Variants in ATP9B observed in about 807,000 individuals in gnomAD.
ATP9B encodes the protein ATPase phospholipid transporting 9B, also known as probable phospholipid-transporting ATPase IIB.
In ATP9B, 110 loss-of-function variants were observed where a neutral mutation model predicts 146.1. The ratio of observed to expected loss-of-function variants is 0.75; its 90% CI spans 0.65 to 0.88. The LOEUF (loss-of-function observed/expected upper bound fraction) is 0.88, where lower values mean the gene tolerates loss of function less well. ATP9B is among the 40% of genes least tolerant of loss of function. The pLI is 0.00. For missense variants in ATP9B, 1,499 were observed against 1,496.4 expected (o/e 1.00, Z -0.03); for synonymous variants, 604 against 569.7 (o/e 1.06, Z -0.86).
intron 5 of ATP9B, among the ~76,000 whole-genome samples, chr18:79,138,316 A>G (rs941464975): frequency 5.9e-5 from 9 of 152,180 alleles, no homozygotes; most frequent in African/African-American, 1.2e-4. Context: ...AATATGCTCA[A>G]GTGACACAGT....
At chr18:79,285,022 G>T (rs892644237) in intron 13 of ATP9B, among the ~76,000 whole-genome samples, 1 of 151,788 alleles carries the variant, frequency 6.6e-6, no homozygotes, top group Non-Finnish European at 1.5e-5. Flanking sequence ...GTCTATCATT[G>T]TTGGACATTT....
chr18:79,090,512 C>T (rs138284863), intron 1 of ATP9B, among the ~76,000 whole-genome samples: 1 of 152,314 alleles, frequency 6.6e-6, no homozygotes, highest in African/African-American at 2.4e-5. Flanking sequence ...ATTTGCATTT[C>T]TCTGATGATC....
chr18:79,172,072 A>G (rs1034756977), intron 7 of ATP9B, among the ~76,000 whole-genome samples: 2 of 152,190 alleles, frequency 1.3e-5, no homozygotes, highest in Non-Finnish European at 2.9e-5. Flanking sequence ...TATTTTTGGT[A>G]GAGACGGGGT....
chr18:79,303,592 C>T lies in ATP9B; in HGVS notation c.1412-12C>T, dbSNP rs981853031. On this transcript the variant is annotated splice_polypyrimidine_tract_variant and intron_variant, in intron 13 of 29. Transcript: ENST00000426216. ...TGCATTAATGTGTTTGCTGTTGTCC[C>T]CTTTATCCTAGGAACCCTCACCCAG... 5 of 1,610,796 alleles carry T rather than the reference C, an allele frequency of 3.1e-6. No individual in the cohort carries two copies. In the African/African-American group the frequency reaches 6.7e-5, roughly 22 times the overall value.
In ATP9B at chr18:79,118,656, TC is replaced by T. The variant is rs2094136476; in HGVS notation, c.558+5305del. On this transcript the variant is annotated intron_variant, in intron 4 of 29. Coordinates refer to ENST00000426216, the MANE Select transcript of ATP9B (RefSeq NM_198531.5). The stretch of plus-strand genomic sequence containing the variant: ...ACCTCGTGATCCGTCCGCCTCAGCC[TC>T]CCAAAGTGCTGGGATTACAGGTGTG... Among the ~76,000 whole-genome samples the T allele has an allele frequency of 2.0e-5, 3 of 152,004 alleles. No homozygotes were observed. The South Asian group carries it at 6.2e-4, about 32-fold the overall frequency.
intron 8 of ATP9B, among the ~76,000 whole-genome samples, chr18:79,189,638 CG>C (rs2095343766): frequency 6.6e-6 from 1 of 152,100 alleles, no homozygotes; most frequent in South Asian, 2.1e-4. Flanking sequence ...GAAAATCATA[CG>C]GAAGAGAAAA....
chr18:79,350,891 C>T (rs928972300), intron 25 of ATP9B, among the ~76,000 whole-genome samples: 2 of 151,900 alleles, frequency 1.3e-5, no homozygotes, highest in African/African-American at 4.8e-5. Flanking sequence ...CCCTCAGCCT[C>T]CCAAGTAGCT....
intron 13 of ATP9B, among the ~76,000 whole-genome samples, chr18:79,296,621 A>T (rs548239161): frequency 1.3e-5 from 2 of 152,356 alleles, no homozygotes; most frequent in Admixed American, 1.3e-4. Context: ...AAATATTTTC[A>T]TCCAGGGCAG....
intron 5 of ATP9B, among the ~76,000 whole-genome samples, chr18:79,141,221 G>A (rs2094509687): frequency 6.6e-6 from 1 of 152,070 alleles, no homozygotes; most frequent in Non-Finnish European, 1.5e-5. Context: ...CCTTTGCTCG[G>A]CACTTCTCAT....
rs1181179008 is a variant in ATP9B at position 79,266,412 on chromosome 18, A to G, written c.1269-10642A>G. ...ATAATCATATCATCAGTAAATAATA[A>G]CAGCTTTTTTTTGTTCAGTTCTTTG... is the stretch of plus-strand genomic sequence containing the variant. On this transcript the variant is annotated intron_variant, in intron 12 of 29. Coordinates refer to ENST00000426216, the MANE Select transcript of ATP9B (RefSeq NM_198531.5). 2.5e-5 allele frequency among the ~76,000 whole-genome samples: 3 copies of G among 122,100 alleles called. No individual in the cohort carries two copies. The Admixed American group carries it at 2.5e-4, about 10-fold the overall frequency. 80.1% of individuals were successfully genotyped at this position (122,100 alleles called of 152,430 possible).
intron 8 of ATP9B, 89 bp from the exon 9 acceptor site, chr18:79,193,094 A>G: frequency 1.1e-6 from 1 of 938,606 alleles, no homozygotes; most frequent in South Asian, 1.7e-5. Context: ...TAAATAATAT[A>G]TGAACAATAT....
chr18:79,345,797 C>T lies in ATP9B; in HGVS notation c.2640C>T (p.Ser880=). The change falls in exon 23 of 30, where the codon AGC becomes AGT. Residue 880 remains serine, a synonymous_variant. Transcript: ENST00000426216. ...CAGGTGATGGAGGAAATGATGTCAG[C>T]ATGATTCAGGCAGCAGACTGTGGGA... The part of the protein sequence containing the change: ...CAIGDGGNDV[S]MIQAADCGIG... The T allele has an allele frequency of 1.2e-6, 2 of 1,614,266 alleles. No homozygotes were observed. The highest frequency in any genetic ancestry group is 1.3e-5 in the African/African-American group (1 of 75,074).
At chr18:79,126,531 A>G (rs1422809307) in intron 5 of ATP9B, among the ~76,000 whole-genome samples, 156 bp downstream of exon 5, 1 of 152,202 alleles carries the variant, frequency 6.6e-6, no homozygotes, top group Non-Finnish European at 1.5e-5. Context: ...ATAATGTATA[A>G]TGCAATTTTA....
At chr18:79,172,438 G>A (rs2095089059) in intron 7 of ATP9B, among the ~76,000 whole-genome samples, 1 of 72,008 alleles carries the variant, frequency 1.4e-5, no homozygotes, top group Non-Finnish European at 2.3e-5. Flanking sequence ...TGTGATTACA[G>A]GCGTAGCCAC....
rs1011405899 is a variant in ATP9B at position 79,126,630 on chromosome 18, A to C, written c.667+255A>C. Among the ~76,000 whole-genome samples the C allele has an allele frequency of 9.8e-4, 149 of 152,232 alleles. 1 individual carries two copies. The highest frequency in any genetic ancestry group is 3.8e-4 in the Non-Finnish European group (26 of 68,038). On this transcript the variant is annotated intron_variant, in intron 5 of 29. Coordinates refer to ENST00000426216, the MANE Select transcript of ATP9B (RefSeq NM_198531.5). Reference sequence around the variant, plus strand: ...CACACACAACCACACAAGCATGTACATGTATTACTAATAATCATGTAATGT... The same window carrying C: ...CACACACAACCACACAAGCATGTACCTGTATTACTAATAATCATGTAATGT...
At chr18:79,140,639 G>A (rs1599845541) in intron 5 of ATP9B, among the ~76,000 whole-genome samples, 1 of 152,098 alleles carries the variant, frequency 6.6e-6, no homozygotes, top group African/African-American at 2.4e-5. Flanking sequence ...AAATTAGCCG[G>A]GCATGGTGGC....
At chr18:79,199,860 G>C (rs2095450728) in intron 9 of ATP9B, among the ~76,000 whole-genome samples, 1 of 151,866 alleles carries the variant, frequency 6.6e-6, no homozygotes, top group Non-Finnish European at 1.5e-5. Flanking sequence ...TACACATTTT[G>C]TCCTGCTGGA....
chr18:79,112,786 T>TAAATATAAGA (rs1303571029), intron 3 of ATP9B, among the ~76,000 whole-genome samples: 1 of 152,136 alleles, frequency 6.6e-6, no homozygotes, highest in Non-Finnish European at 1.5e-5. Context: ...TACCATTTCA[T>TAAATATAAGA]AAATATAAGG....
At chr18:79,071,049 C>CTTTTTTT (rs746689031) in intron 1 of ATP9B, among the ~76,000 whole-genome samples, 11 of 112,334 alleles carry the variant, frequency 9.8e-5, no homozygotes, top group East Asian at 2.7e-4. Context: ...ATTCCTGTTT[C>CTTTTTTT]TTTTTTTTTT....
Sources: allele counts gnomAD v4.1 joint callset (sites outside exome capture counted in the v4.1 genomes callset), GRCh38; gene constraint gnomAD v4.1.1; transcripts MANE v1.5; gene names NCBI Gene and HGNC (gene_info 2026-07-23, HGNC 2026-07-21).